SLC43A1: variants seen among roughly 807,000 people sequenced by gnomAD.
SLC43A1 encodes the protein solute carrier family 43 member 1, also known as large neutral amino acids transporter small subunit 3.
A neutral mutation model predicts 59.5 loss-of-function variants in SLC43A1; 31 were observed. The observed-to-expected ratio is 0.52, with a 90% confidence interval of 0.39 to 0.70. The LOEUF (loss-of-function observed/expected upper bound fraction) is 0.70. Ranked by LOEUF, SLC43A1 falls within the 30% of genes least tolerant of loss-of-function variation. SLC43A1 has a pLI of 0.00. For synonymous variants in SLC43A1, 259 were observed against 290.9 expected (o/e 0.89, Z 1.12); for missense variants, 598 against 717.8 (o/e 0.83, Z 1.91).
chr11:57,497,555 A>T (rs1047148805), intron 6 of SLC43A1, among the ~76,000 whole-genome samples, 198 bp downstream of exon 6: 2 of 152,264 alleles, frequency 1.3e-5, no homozygotes, highest in African/African-American at 4.8e-5. Context: ...CAGAGTACAG[A>T]GAAAAAGAAT....
intron 8 of SLC43A1, 24 bp downstream of exon 8, chr11:57,493,969 C>A (rs764819761): frequency 2.6e-6 from 4 of 1,561,150 alleles, no homozygotes; most frequent in Non-Finnish European, 3.5e-6. Flanking sequence ...TCCCCCAAGG[C>A]CGGCACCTTG....
Position 57,484,910 on chromosome 11 carries a change from G to A in SLC43A1, c.*186C>T. On this transcript the variant is annotated 3_prime_UTR_variant, in exon 15 of 15. Transcript: ENST00000278426. Reference sequence around the variant, plus strand: ...TCAGTCAATGGAGCGTTGACTTAGGGGGCGTTTTTGAAGGTTTTTTTTCCT... The same window carrying A: ...TCAGTCAATGGAGCGTTGACTTAGGAGGCGTTTTTGAAGGTTTTTTTTCCT... 3.2e-6 allele frequency: 2 copies of A among 626,166 alleles called. No individual in the cohort carries two copies. Among genetic ancestry groups the A allele is most frequent in the Non-Finnish European group, 5.2e-6 (2 of 387,504 alleles). The allele number at this position is 626,166 out of a possible 1,614,324, so 38.8% of individuals were successfully genotyped here.
chr11:57,494,038 T>G lies in SLC43A1; in HGVS notation c.826A>C (p.Met276Leu), dbSNP rs771754220. The G allele has an allele frequency of 1.4e-5, 22 of 1,608,194 alleles. No individual in the cohort carries two copies. Among genetic ancestry groups the G allele is most frequent in the South Asian group, 3.3e-5 (3 of 90,166 alleles). ...GTGCCCCGAACATCCTGGGGTGACA[T>G]GAAGGCATCCGAACCGTCCTCCAGG... The part of the protein sequence containing the change: ...PSLEDGSDAF[M>L]SPQDVRGTSE... Residue 276 changes from methionine (M) to leucine (L), a missense_variant, in exon 8 of 15, where the codon ATG becomes CTG. Met to Leu is a conservative substitution (Grantham distance 15). Transcript: ENST00000278426.
intron 14 of SLC43A1, 145 bp downstream of exon 14, chr11:57,486,950 A>G: frequency 1.3e-6 from 1 of 772,912 alleles, no homozygotes. Flanking sequence ...GGGTTCTAAA[A>G]GGCAGACAAC....
intron 7 of SLC43A1, among the ~76,000 whole-genome samples, chr11:57,495,276 G>A (rs1944045737): frequency 6.6e-6 from 1 of 151,726 alleles, no homozygotes; most frequent in African/African-American, 2.4e-5. Flanking sequence ...ATCACTTGAG[G>A]CCAGGAGTTC....
At position 57,491,373 on chromosome 11, in the gene SLC43A1, T is replaced by C. The variant is rs548569955; in HGVS notation, c.1055-11A>G. The C allele has an allele frequency of 5.1e-6, 8 of 1,583,792 alleles. No homozygotes were observed. Among genetic ancestry groups the C allele is most frequent in the African/African-American group, 1.3e-5 (1 of 74,254 alleles). Reference sequence around the variant, plus strand: ...AGGAGTAGAACCCAACTGGGCAGGATGGGAAGGGCAGTGGGGTCAGGAACT... The same window carrying C: ...AGGAGTAGAACCCAACTGGGCAGGACGGGAAGGGCAGTGGGGTCAGGAACT... On this transcript the variant is annotated splice_polypyrimidine_tract_variant and intron_variant, in intron 10 of 14. Transcript: ENST00000278426.
intron 6 of SLC43A1, 23 bp from the exon 7 acceptor site, chr11:57,496,187 C>T (rs773709557): frequency 5.0e-5 from 80 of 1,612,544 alleles, no homozygotes; most frequent in Non-Finnish European, 6.7e-5. Context: ...GGGGCAGGCC[C>T]GTGGGGGAGA....
chr11:57,491,387 G>C (rs1943896574), intron 10 of SLC43A1, 25 bp from the exon 11 acceptor site: 1 of 1,574,794 alleles, frequency 6.4e-7, no homozygotes. Flanking sequence ...AAGGGCAGTG[G>C]GGTCAGGAAC....
chr11:57,488,881 A>T (rs753182312), intron 13 of SLC43A1, 35 bp downstream of exon 13: 2 of 1,585,072 alleles, frequency 1.3e-6, no homozygotes, highest in South Asian at 2.2e-5. Flanking sequence ...CACGGTTGCA[A>T]AGCTCAGGAA....
In SLC43A1 at chr11:57,498,746, A is replaced by G. The variant is rs562692200; in HGVS notation, c.466-901T>C. On this transcript the variant is annotated intron_variant, in intron 5 of 14. Coordinates refer to ENST00000278426, the MANE Select transcript of SLC43A1 (RefSeq NM_003627.6). ...GGGAGGGAACTGAGCCAGGGCAGAC[A>G]GTCTCCAGAGGAGGTGGCTCTGACG... Among the ~76,000 whole-genome samples, 11 of 152,324 alleles carry G rather than the reference A, an allele frequency of 7.2e-5. No individual in the cohort carries two copies. The South Asian group carries it at 2.3e-3, about 32-fold the overall frequency.
rs961222792 is a variant in SLC43A1 at position 57,514,696 on chromosome 11, G to C, written c.-13-572C>G. ...GTGACCCACGACCCTACAGTCTCTC[G>C]GGCCAAGCCAACAGCTGCCACGTGG... On this transcript the variant is annotated intron_variant, in intron 1 of 14. Transcript: ENST00000278426. This position sits in a 1 kb window ranked among gnomAD's most constrained non-coding sequence, Gnocchi z 5.5. 25 of 424,068 alleles carry C rather than the reference G, an allele frequency of 5.9e-5. No homozygotes were observed. Among genetic ancestry groups the C allele is most frequent in the Admixed American group, 2.5e-4 (4 of 15,738 alleles). 26.3% of individuals were successfully genotyped at this position (424,068 alleles called of 1,614,324 possible).
At chr11:57,509,647 A>ATT (rs1565142655) in intron 2 of SLC43A1, among the ~76,000 whole-genome samples, 21 of 124,932 alleles carry the variant, frequency 1.7e-4, no homozygotes, top group African/African-American at 6.3e-4. Context: ...GGAAGGAAGG[A>ATT]AGGAGGGAGG....
At chr11:57,496,201 C>A in intron 6 of SLC43A1, 37 bp from the exon 7 acceptor site, 2 of 1,610,376 alleles carry the variant, frequency 1.2e-6, no homozygotes, top group Non-Finnish European at 1.7e-6. Context: ...GGGGAGACTG[C>A]CTGGCCCCAG....
intron 2 of SLC43A1, 107 bp from the exon 3 acceptor site, chr11:57,501,436 C>T (rs571273280): frequency 8.6e-7 from 1 of 1,163,550 alleles, no homozygotes. Flanking sequence ...ATGCCAAGTG[C>T]CTTTGGGGGT....
Position 57,507,501 on chromosome 11 carries a change from T to G in SLC43A1, c.155-6172A>C, listed in dbSNP as rs139096521. Among the ~76,000 whole-genome samples, 27 of 152,060 alleles carry G rather than the reference T, an allele frequency of 1.8e-4. No homozygotes were observed. The East Asian group carries it at 4.8e-3, about 27-fold the overall frequency. On this transcript the variant is annotated intron_variant, in intron 2 of 14. Coordinates refer to ENST00000278426, the MANE Select transcript of SLC43A1 (RefSeq NM_003627.6). ...AAAATAAAAAATAAAAAATTAGCCGTGCGTGGTGGTACATGCCTGTGGTCC... is the reference window on the plus strand; with the variant it reads ...AAAATAAAAAATAAAAAATTAGCCGGGCGTGGTGGTACATGCCTGTGGTCC...
chr11:57,500,359 C>G (rs1035087012), intron 5 of SLC43A1, among the ~76,000 whole-genome samples: 1 of 152,198 alleles, frequency 6.6e-6, no homozygotes, highest in African/African-American at 2.4e-5. Context: ...GATCATGTTA[C>G]CCAGTTTTAT....
chr11:57,486,734 G>T (rs559108426), intron 14 of SLC43A1, among the ~76,000 whole-genome samples: 1 of 151,026 alleles, frequency 6.6e-6, no homozygotes, highest in East Asian at 2.0e-4. Context: ...GCATGAACCC[G>T]GGAGGCGGAG....
chr11:57,503,750 G>A (rs1276122662), intron 2 of SLC43A1, among the ~76,000 whole-genome samples: 1 of 152,196 alleles, frequency 6.6e-6, no homozygotes, highest in African/African-American at 2.4e-5. Flanking sequence ...TTAGACCAGA[G>A]GCTGCACACC....
intron 7 of SLC43A1, 73 bp downstream of exon 7, chr11:57,495,958 G>A: frequency 6.5e-7 from 1 of 1,541,386 alleles, no homozygotes; most frequent in Non-Finnish European, 8.8e-7. Context: ...TGAATCCAAA[G>A]TTAATTCCGT....
Sources: gnomAD v4.1 joint callset for allele counts (sites outside exome capture counted in the v4.1 genomes callset) on GRCh38, gnomAD v4.1.1 for gene constraint, Gnocchi (gnomAD v3.1) non-coding constraint, MANE v1.5 for transcripts, NCBI Gene and HGNC (gene_info 2026-07-23, HGNC 2026-07-21) for gene names.